The following MAF variants were observed in gnomAD, a reference collection of about 807,000 sequenced individuals.
MAF encodes the protein MAF bZIP transcription factor.
MAF carries 10 observed loss-of-function variants against 22.0 expected under a neutral mutation model. The observed-to-expected ratio is 0.45, with a 90% confidence interval of 0.28 to 0.77. MAF has a LOEUF of 0.77. Ranked by LOEUF, MAF falls within the 30% of genes least tolerant of loss-of-function variation. MAF has a pLI of 0.12. For missense variants in MAF, 544 were observed against 548.4 expected (o/e 0.99, Z 0.08); for synonymous variants, 337 against 255.8 (o/e 1.32, Z -3.03).
the MAF span, among the ~76,000 whole-genome samples, chr16:79,424,177 G>A: frequency 6.6e-6 from 1 of 152,154 alleles, no homozygotes; most frequent in African/African-American, 2.4e-5. Flanking sequence ...GGTCTTGGAA[G>A]GAAAGGGCAA....
At chr16:79,570,178 G>T in the MAF span, among the ~76,000 whole-genome samples, 1 of 152,056 alleles carries the variant, frequency 6.6e-6, no homozygotes, top group Admixed American at 6.5e-5. Flanking sequence ...CAAGGTAAAG[G>T]AATTATTGCT....
the MAF span, among the ~76,000 whole-genome samples, chr16:79,346,637 G>A: frequency 4.1e-5 from 6 of 146,420 alleles, no homozygotes; most frequent in South Asian, 6.6e-4. Context: ...TGAGGTGAAA[G>A]TAAGTGTTGT....
At chr16:79,393,126 A>G in the MAF span, among the ~76,000 whole-genome samples, 4 of 152,228 alleles carry the variant, frequency 2.6e-5, no homozygotes, top group South Asian at 2.1e-4. Context: ...TGTTGATTAT[A>G]CTCTTCAGCA....
the MAF span, among the ~76,000 whole-genome samples, chr16:79,328,528 G>T: frequency 0.011 from 1,740 of 152,312 alleles, 24 homozygotes; most frequent in African/African-American, 0.039. Context: ...TTGGCTGCCA[G>T]TTTCTTAATG....
At chr16:79,222,633 T>C in the MAF span, among the ~76,000 whole-genome samples, 5 of 151,846 alleles carry the variant, frequency 3.3e-5, no homozygotes, top group East Asian at 1.9e-4. Context: ...AGGAAACCCA[T>C]CTCACGTGCA....
At chr16:79,217,718 G>A in the MAF span, among the ~76,000 whole-genome samples, 1,322 of 152,206 alleles carry the variant, frequency 8.7e-3, 22 homozygotes, top group African/African-American at 0.031. Flanking sequence ...TCCAAAGGTG[G>A]CCAGTTTCCA....
At chr16:79,508,563 G>C in the MAF span, among the ~76,000 whole-genome samples, 2 of 152,122 alleles carry the variant, frequency 1.3e-5, no homozygotes, top group East Asian at 3.8e-4. Flanking sequence ...TGCACCAAAG[G>C]CTCCCCAGCT....
chr16:79,511,437 A>T, the MAF span, among the ~76,000 whole-genome samples: 17 of 152,196 alleles, frequency 1.1e-4, no homozygotes, highest in Non-Finnish European at 2.4e-4. Context: ...TCAGGTCTTT[A>T]TTTCTGAAAA....
chr16:79,393,781 A>C, the MAF span, among the ~76,000 whole-genome samples: 1 of 152,162 alleles, frequency 6.6e-6, no homozygotes, highest in Non-Finnish European at 1.5e-5. Flanking sequence ...AATTGGCAGG[A>C]TCTAAAATCA....
the MAF span, among the ~76,000 whole-genome samples, chr16:79,305,885 C>A: frequency 6.6e-6 from 1 of 152,178 alleles, no homozygotes; most frequent in African/African-American, 2.4e-5. Flanking sequence ...ACTGCGTTTG[C>A]ACTATTTGGG....
the MAF span, among the ~76,000 whole-genome samples, chr16:79,268,333 C>T: frequency 6.6e-6 from 1 of 152,140 alleles, no homozygotes; most frequent in Non-Finnish European, 1.5e-5. Context: ...TGTTCATATC[C>T]TGAGTCTTTT....
At chr16:79,306,875 C>T in the MAF span, among the ~76,000 whole-genome samples, 1 of 152,172 alleles carries the variant, frequency 6.6e-6, no homozygotes, top group East Asian at 1.9e-4. Flanking sequence ...GAGATGATAA[C>T]AGTAGCTGCA....
intron 1 of MAF, chr16:79,595,188 G>C: frequency 3.8e-6 from 4 of 1,043,250 alleles, no homozygotes; most frequent in Middle Eastern, 4.4e-4. Flanking sequence ...GCTCATGAGG[G>C]GAGGTTTACT....
At chr16:79,590,657 G>T (rs1913140081), downstream of MAF, among the ~76,000 whole-genome samples, 1 of 152,194 alleles carries the variant, frequency 6.6e-6, no homozygotes, top group East Asian at 1.9e-4. Context: ...CAACCTGTCA[G>T]CGGCTTGTCA....
At chr16:79,322,557 G>T in the MAF span, among the ~76,000 whole-genome samples, 1 of 152,168 alleles carries the variant, frequency 6.6e-6, no homozygotes, top group Non-Finnish European at 1.5e-5. Flanking sequence ...ACATTGTGCT[G>T]GGTGCTGGGG....
At chr16:79,471,919 A>G in the MAF span, among the ~76,000 whole-genome samples, 1 of 152,202 alleles carries the variant, frequency 6.6e-6, no homozygotes, top group African/African-American at 2.4e-5. Context: ...AACTTTGGGG[A>G]AAATGGCCTT....
the MAF span, among the ~76,000 whole-genome samples, chr16:79,240,838 C>G: frequency 1.3e-5 from 2 of 152,120 alleles, no homozygotes; most frequent in East Asian, 3.9e-4. Context: ...ACAAAGCTTC[C>G]AGAGGAAGAA....
chr16:79,575,030 T>C, the MAF span, among the ~76,000 whole-genome samples: 1 of 151,654 alleles, frequency 6.6e-6, no homozygotes, highest in African/African-American at 2.4e-5. Flanking sequence ...GAATTTTTTT[T>C]TTTTTTTTAA....
At chr16:79,370,873 A>G in the MAF span, among the ~76,000 whole-genome samples, 2 of 151,848 alleles carry the variant, frequency 1.3e-5, no homozygotes, top group African/African-American at 2.4e-5. Context: ...TCTCCAGCAT[A>G]TTCACCGAAC....
Sources: gnomAD v4.1 joint callset for allele counts (sites outside exome capture counted in the v4.1 genomes callset) on GRCh38, gnomAD v4.1.1 for gene constraint, MANE v1.5 for transcripts, NCBI Gene and HGNC (gene_info 2026-07-23, HGNC 2026-07-21) for gene names.